The following PRKAG2 variants were observed in gnomAD, a reference collection of about 807,000 sequenced individuals.
PRKAG2 encodes protein kinase AMP-activated non-catalytic subunit gamma 2, also known as 5'-AMP-activated protein kinase subunit gamma-2.
Under a neutral mutation model 69.6 loss-of-function variants are expected in PRKAG2, and 26 were observed. The ratio of observed to expected loss-of-function variants is 0.37; its 90% CI spans 0.27 to 0.52. PRKAG2 has a LOEUF of 0.52. Ranked by LOEUF, PRKAG2 falls within the 20% of genes least tolerant of loss-of-function variation. The pLI is 0.90. For missense variants in PRKAG2, 557 were observed against 740.0 expected (o/e 0.75, Z 2.87); for synonymous variants, 293 against 285.0 (o/e 1.03, Z -0.28).
intron 3 of PRKAG2, among the ~76,000 whole-genome samples, chr7:151,720,660 TGGAGGGGATG>T (rs1796911664): frequency 4.9e-5 from 2 of 40,756 alleles, no homozygotes; most frequent in South Asian, 2.5e-3. Context: ...GAGGAGAGAA[TGGAGGGGATG>T]GAGGGGGATG....
intron 5 of PRKAG2, among the ~76,000 whole-genome samples, chr7:151,610,739 CT>C (rs10523596): frequency 1.6e-3 from 171 of 105,584 alleles, no homozygotes; most frequent in Middle Eastern, 7.6e-3. Flanking sequence ...TTTTTCTTTT[CT>C]TTTTTTTTTT....
intron 6 of PRKAG2, among the ~76,000 whole-genome samples, chr7:151,577,955 T>G (rs898982753): frequency 2.6e-5 from 4 of 151,376 alleles, no homozygotes; most frequent in African/African-American, 9.7e-5. Flanking sequence ...TAGTAAAATG[T>G]TTCTTTAAAA....
At chr7:151,677,234 T>G (rs1298333719) in intron 3 of PRKAG2, among the ~76,000 whole-genome samples, 1 of 152,184 alleles carries the variant, frequency 6.6e-6, no homozygotes, top group Non-Finnish European at 1.5e-5. Flanking sequence ...TCGCCCAGGC[T>G]GCAGTGCTGT....
chr7:151,773,068 A>C (rs1586426710), intron 3 of PRKAG2, among the ~76,000 whole-genome samples: 1 of 33,502 alleles, frequency 3.0e-5, no homozygotes, highest in African/African-American at 1.4e-4. Flanking sequence ...GGAGGGAGGG[A>C]GGGAGGGAGG....
intron 3 of PRKAG2, among the ~76,000 whole-genome samples, chr7:151,757,853 C>G (rs1423118291): frequency 6.6e-6 from 1 of 152,208 alleles, no homozygotes; most frequent in Non-Finnish European, 1.5e-5. Context: ...TAGTCAGGGT[C>G]AATATTGCTT....
At chr7:151,757,631 C>T (rs2075172421) in intron 3 of PRKAG2, among the ~76,000 whole-genome samples, 1 of 152,186 alleles carries the variant, frequency 6.6e-6, no homozygotes, top group Admixed American at 6.5e-5. Flanking sequence ...GGCAGAAACC[C>T]GGGACTTACT....
intron 6 of PRKAG2, among the ~76,000 whole-genome samples, chr7:151,581,301 A>G (rs997508215): frequency 2.4e-4 from 36 of 152,264 alleles, no homozygotes; most frequent in Admixed American, 2.4e-3. Flanking sequence ...CTAGGCATTT[A>G]TTGCATGGTT....
At chr7:151,580,291 G>A (rs1283316668) in intron 6 of PRKAG2, among the ~76,000 whole-genome samples, 4 of 152,188 alleles carry the variant, frequency 2.6e-5, no homozygotes, top group Non-Finnish European at 4.4e-5. Context: ...AGGTTGCAAT[G>A]AGCTGAGACC....
intron 3 of PRKAG2, among the ~76,000 whole-genome samples, chr7:151,702,319 C>G (rs998714170): frequency 8.5e-5 from 13 of 152,224 alleles, no homozygotes; most frequent in African/African-American, 2.2e-4. Flanking sequence ...GAGGCCTCAT[C>G]ATCAAAGGGA....
In PRKAG2 at chr7:151,675,589, T is replaced by G. The variant is rs969117866; in HGVS notation, c.515A>C (p.Gln172Pro). The G allele has an allele frequency of 6.8e-6, 11 of 1,614,052 alleles. No homozygotes were observed. The highest frequency in any genetic ancestry group is 9.3e-6 in the Non-Finnish European group (11 of 1,180,010). The change falls in exon 4 of 16, where the codon CAG becomes CCG. Residue 172 changes from glutamine (Q) to proline (P), a missense_variant. Physicochemically the swap from Gln to Pro is moderately conservative, Grantham distance 76. Coordinates refer to ENST00000287878, the MANE Select transcript of PRKAG2 (RefSeq NM_016203.4). ...SPSTPTQVTK[Q>P]HTFPLESYKH... is the part of the protein sequence containing the mutation. Reference sequence around the variant, plus strand: ...ATAGGATTCCAGGGGAAACGTGTGCTGCTTGGTCACTTGGGTGGGTGTTGA... The same window carrying G: ...ATAGGATTCCAGGGGAAACGTGTGCGGCTTGGTCACTTGGGTGGGTGTTGA...
Position 151,814,330 on chromosome 7 carries a change from C to G in PRKAG2, c.115-27789G>C. On this transcript the variant is annotated intron_variant, in intron 1 of 15. Coordinates refer to ENST00000287878, the MANE Select transcript of PRKAG2 (RefSeq NM_016203.4). This position sits in a 1 kb window ranked among gnomAD's most constrained non-coding sequence, Gnocchi z 4.8. ...GCATCAGTCTTACACACCAAGGAGA[C>G]AAAGCATCGTGAGGGGGAAAACCGC... 1.0e-6 allele frequency: 1 copy of G among 962,558 alleles called. No homozygotes were observed. The highest frequency in any genetic ancestry group is 1.3e-6 in the Non-Finnish European group (1 of 761,944). The allele number at this position is 962,558 out of a possible 1,614,324, so 59.6% of individuals were successfully genotyped here.
intron 3 of PRKAG2, among the ~76,000 whole-genome samples, chr7:151,752,160 A>C (rs2074736374): frequency 6.6e-6 from 1 of 152,248 alleles, no homozygotes; most frequent in Non-Finnish European, 1.5e-5. Flanking sequence ...CTAAATGCCC[A>C]TCAATGACAG....
chr7:151,632,044 C>A lies in PRKAG2; in HGVS notation c.754+25G>T. On this transcript the variant is annotated intron_variant, in intron 5 of 15. Coordinates refer to ENST00000287878, the MANE Select transcript of PRKAG2 (RefSeq NM_016203.4). The surrounding 1 kb of genome is among the most constrained non-coding windows in gnomAD (Gnocchi z 4.2). ...GCGGCCGGGCCGTGGGAGCGCCGGG[C>A]CGGCAGCGGGCGGGGCGCACTCACC... 1.5e-6 allele frequency: 2 copies of A among 1,343,122 alleles called. No individual in the cohort carries two copies. Among genetic ancestry groups the A allele is most frequent in the Non-Finnish European group, 1.9e-6 (2 of 1,034,786 alleles). 83.2% of individuals were successfully genotyped at this position (1,343,122 alleles called of 1,614,324 possible).
intron 4 of PRKAG2, among the ~76,000 whole-genome samples, chr7:151,659,044 T>C (rs530808571): frequency 1.3e-5 from 2 of 152,344 alleles, no homozygotes; most frequent in South Asian, 4.1e-4. Context: ...GGGGATCTGG[T>C]GCCTGAGCAA....
intron 3 of PRKAG2, among the ~76,000 whole-genome samples, chr7:151,751,276 T>TTATC (rs569185703): frequency 6.6e-6 from 1 of 151,402 alleles, no homozygotes; most frequent in South Asian, 2.1e-4. Context: ...TTTTATTTAT[T>TTATC]TATTTATTTA....
Position 151,699,210 on chromosome 7 carries a change from C to A in PRKAG2, c.467-23573G>T, listed in dbSNP as rs1362559027. ...TGGGATGTAAGCTGTGAAAGCTAAA[C>A]TGCACTGTAGTTGGAGACTCTTGAG... On this transcript the variant is annotated intron_variant, in intron 3 of 15. Transcript: ENST00000287878. The surrounding 1 kb of genome is among the most constrained non-coding windows in gnomAD (Gnocchi z 4.5). Among the ~76,000 whole-genome samples the A allele has an allele frequency of 1.3e-5, 2 of 152,250 alleles. No individual in the cohort carries two copies. Among genetic ancestry groups the A allele is most frequent in the Non-Finnish European group, 2.9e-5 (2 of 68,042 alleles).
intron 3 of PRKAG2, among the ~76,000 whole-genome samples, chr7:151,761,689 T>C (rs1415436376): frequency 1.3e-5 from 2 of 152,226 alleles, no homozygotes; most frequent in Admixed American, 1.3e-4. Flanking sequence ...TCATGTCAGT[T>C]AACTCTTTCT....
intron 3 of PRKAG2, among the ~76,000 whole-genome samples, chr7:151,762,347 G>A (rs1039568532): frequency 2.6e-5 from 4 of 152,178 alleles, no homozygotes; most frequent in African/African-American, 7.2e-5. Flanking sequence ...CTATCTCACA[G>A]TATTGACACA....
intron 5 of PRKAG2, among the ~76,000 whole-genome samples, chr7:151,626,180 G>A (rs1427885724): frequency 6.6e-6 from 1 of 152,130 alleles, no homozygotes; most frequent in East Asian, 1.9e-4. Context: ...GACTGGTGAC[G>A]AGTCCCACTT....
Sources: gnomAD v4.1 joint callset for allele counts (sites outside exome capture counted in the v4.1 genomes callset) on GRCh38, gnomAD v4.1.1 for gene constraint, Gnocchi (gnomAD v3.1) non-coding constraint, MANE v1.5 for transcripts, NCBI Gene and HGNC (gene_info 2026-07-23, HGNC 2026-07-21) for gene names.